The following KNDC1 variants were observed in gnomAD, a reference collection of about 807,000 sequenced individuals.
KNDC1 encodes kinase non-catalytic C-lobe domain-containing protein 1.
In KNDC1, 106 loss-of-function variants were observed where a neutral mutation model predicts 172.8. That is an observed-to-expected ratio of 0.61 (90% CI 0.52 to 0.72). The LOEUF (loss-of-function observed/expected upper bound fraction) is 0.72. Among genes scored for constraint, KNDC1 ranks in the 30% least tolerant of loss-of-function variants. The pLI is 0.00. For missense variants in KNDC1, 2,325 were observed against 2,394.5 expected (o/e 0.97, Z 0.61); for synonymous variants, 1,083 against 1,062.2 (o/e 1.02, Z -0.38).
At position 133,209,995 on chromosome 10, in the gene KNDC1, G is replaced by A. The variant is rs191111833; in HGVS notation, c.3795-616G>A. 1.3e-3 allele frequency among the ~76,000 whole-genome samples: 203 copies of A among 152,186 alleles called. 1 individual carries two copies. Among genetic ancestry groups the A allele is most frequent in the African/African-American group, 4.7e-3 (195 of 41,508 alleles). ...AGAACCTTTGAGCGTGCAGCATTGC[G>A]CCCGGTCCCGAGGCACCAGCTCCCT... On this transcript the variant is annotated intron_variant, in intron 20 of 29. Transcript: ENST00000304613. The surrounding 1 kb of genome is among the most constrained non-coding windows in gnomAD (Gnocchi z 4.9).
At chr10:133,164,556 T>C (rs1853085361) in intron 1 of KNDC1, among the ~76,000 whole-genome samples, 1 of 152,188 alleles carries the variant, frequency 6.6e-6, no homozygotes, top group African/African-American at 2.4e-5. Context: ...GTCACCTCCT[T>C]CCCAAGTGTC....
At chr10:133,181,307 G>A (rs1304375469) in intron 3 of KNDC1, among the ~76,000 whole-genome samples, 1 of 152,260 alleles carries the variant, frequency 6.6e-6, no homozygotes, top group African/African-American at 2.4e-5. Flanking sequence ...GTCCCCCAGG[G>A]AGGCGGACCC....
rs769796814 is a variant in KNDC1 at position 133,211,533 on chromosome 10, G to A, written c.4020G>A (p.Gly1340=). The A allele has an allele frequency of 1.1e-5, 17 of 1,614,006 alleles. No individual in the cohort carries two copies. Among genetic ancestry groups the A allele is most frequent in the Admixed American group, 1.7e-5 (1 of 60,010 alleles). Residue 1340 remains glycine, a synonymous_variant, in exon 22 of 30, where the codon GGG becomes GGA. Coordinates refer to ENST00000304613, the MANE Select transcript of KNDC1 (RefSeq NM_152643.8). ...CTGTGGACTTCCCTCGGAACAGCGG[G>A]CTGCTGGGGAAGCTAGAGGACTTCA... is the stretch of plus-strand genomic sequence containing the variant. ...CYAVDFPRNS[G]LLGKLEDFIS...
chr10:133,189,847 GC>G, intron 9 of KNDC1, 34 bp downstream of exon 9: 1 of 1,561,838 alleles, frequency 6.4e-7, no homozygotes, highest in Non-Finnish European at 8.8e-7. Context: ...CCCCAGCCCT[GC>G]CCCCAGCCCT....
chr10:133,212,276 C>T (rs931126858), intron 23 of KNDC1, among the ~76,000 whole-genome samples: 11 of 151,704 alleles, frequency 7.3e-5, no homozygotes, highest in African/African-American at 2.2e-4. Flanking sequence ...CACCCGCACA[C>T]GCATCCACAC....
intron 3 of KNDC1, among the ~76,000 whole-genome samples, chr10:133,182,504 G>C (rs958215745): frequency 7.9e-5 from 12 of 152,202 alleles, no homozygotes; most frequent in Admixed American, 6.5e-4. Context: ...GCAGGTTCCT[G>C]AGCCGCTCTG....
At chr10:133,193,891 A>G (rs1287893287) in intron 9 of KNDC1, among the ~76,000 whole-genome samples, 1 of 152,244 alleles carries the variant, frequency 6.6e-6, no homozygotes, top group Non-Finnish European at 1.5e-5. Context: ...CTAAACATAT[A>G]TGCACCAAAT....
chr10:133,211,313 A>T lies in KNDC1; in HGVS notation c.3909-109A>T, dbSNP rs541433524. On this transcript the variant is annotated intron_variant, in intron 21 of 29. Transcript: ENST00000304613. ...CCAGCCCCCTAAGCCCCCTGCACAC[A>T]TGGAGCCTGGTCCCACCCTGCCTCT... is the stretch of plus-strand genomic sequence containing the variant. The T allele has an allele frequency of 1.6e-5, 15 of 949,784 alleles. No homozygotes were observed. The East Asian group carries it at 4.1e-4, about 26-fold the overall frequency. 58.8% of individuals were successfully genotyped at this position (949,784 alleles called of 1,614,324 possible).
chr10:133,195,151 T>G (rs1209495642), intron 9 of KNDC1, among the ~76,000 whole-genome samples: 1 of 152,212 alleles, frequency 6.6e-6, no homozygotes, highest in Non-Finnish European at 1.5e-5. Flanking sequence ...AAAACGTGCA[T>G]CAAATGGTGT....
chr10:133,164,460 TGCTGGGCAGACAGGTGCGCAGGAGGCGGC>T (rs1311315195), intron 1 of KNDC1, among the ~76,000 whole-genome samples: 6 of 152,216 alleles, frequency 3.9e-5, no homozygotes, highest in Admixed American at 1.3e-4. Context: ...CCCTCGTGGG[TGCTGGGCAGACAGGTGCGCAGGAGGCGGC>T]GCTGGGCAGA....
intron 3 of KNDC1, among the ~76,000 whole-genome samples, chr10:133,173,312 C>T (rs1185626976): frequency 6.6e-6 from 1 of 152,116 alleles, no homozygotes; most frequent in Non-Finnish European, 1.5e-5. Flanking sequence ...CCTCCTTGTT[C>T]TGAGTTTAGG....
At chr10:133,214,608 C>G (rs771406224) in intron 26 of KNDC1, among the ~76,000 whole-genome samples, 2 of 152,226 alleles carry the variant, frequency 1.3e-5, no homozygotes, top group Admixed American at 6.5e-5. Context: ...GTGCCTGAGC[C>G]TGGCCCCTGG....
chr10:133,191,505 C>A (rs565878835), intron 9 of KNDC1, among the ~76,000 whole-genome samples: 1 of 152,130 alleles, frequency 6.6e-6, no homozygotes, highest in African/African-American at 2.4e-5. Context: ...TTTGAGACCA[C>A]CCTCGCCAAC....
intron 9 of KNDC1, among the ~76,000 whole-genome samples, chr10:133,195,191 C>T (rs114177573): frequency 4.3e-4 from 66 of 152,342 alleles, no homozygotes; most frequent in African/African-American, 1.4e-3. Flanking sequence ...AGCAACGTGC[C>T]GGATGAACTC....
chr10:133,169,632 T>A (rs567075175), intron 3 of KNDC1, among the ~76,000 whole-genome samples: 27 of 152,220 alleles, frequency 1.8e-4, no homozygotes, highest in Non-Finnish European at 3.5e-4. Context: ...CCCAACTCCC[T>A]GCAGCAGTGG....
chr10:133,198,536 C>A, intron 13 of KNDC1, 37 bp downstream of exon 13: 1 of 1,582,078 alleles, frequency 6.3e-7, no homozygotes. Flanking sequence ...CTGCTGGGTC[C>A]CGGGCGCAGG....
In KNDC1 at chr10:133,219,100, C is replaced by G. The variant is rs777317729; in HGVS notation, c.4860+10C>G. On this transcript the variant is annotated intron_variant, in intron 28 of 29. Coordinates refer to ENST00000304613, the MANE Select transcript of KNDC1 (RefSeq NM_152643.8). ...GCTGAAAGCCGTGGAGGTACCAGCACTTTACGTGGCCGGGCGGCTTTGGTC... is the reference window on the plus strand; with the variant it reads ...GCTGAAAGCCGTGGAGGTACCAGCAGTTTACGTGGCCGGGCGGCTTTGGTC... 2 of 1,612,750 alleles carry G rather than the reference C, an allele frequency of 1.2e-6. No individual in the cohort carries two copies. The highest frequency in any genetic ancestry group is 1.7e-6 in the Non-Finnish European group (2 of 1,179,520).
In KNDC1 at chr10:133,206,638, C is replaced by T. The variant is rs775216725; in HGVS notation, c.3388-47C>T. On this transcript the variant is annotated intron_variant, in intron 17 of 29. Coordinates refer to ENST00000304613, the MANE Select transcript of KNDC1 (RefSeq NM_152643.8). Reference sequence around the variant, plus strand: ...GGGGCCTGGCCCTGGATGTGGCTGACGTGTGTTGGGGCTGCCTGGGGCTTA... The same window carrying T: ...GGGGCCTGGCCCTGGATGTGGCTGATGTGTGTTGGGGCTGCCTGGGGCTTA... 3.0e-5 allele frequency: 46 copies of T among 1,514,754 alleles called. No homozygotes were observed. The Middle Eastern group carries it at 2.0e-3, about 66-fold the overall frequency. The allele number at this position is 1,514,754 out of a possible 1,614,324, so 93.8% of individuals were successfully genotyped here.
chr10:133,185,366 A>G (rs144011923), intron 5 of KNDC1, among the ~76,000 whole-genome samples: 2,336 of 55,918 alleles, frequency 0.042, 25 homozygotes, highest in Middle Eastern at 0.057. Context: ...GGCAGTGTGT[A>G]CAGTGTGGAG....
Sources: gnomAD v4.1 joint callset for allele counts (sites outside exome capture counted in the v4.1 genomes callset) on GRCh38, gnomAD v4.1.1 for gene constraint, Gnocchi (gnomAD v3.1) non-coding constraint, MANE v1.5 for transcripts, NCBI Gene and HGNC (gene_info 2026-07-23, HGNC 2026-07-21) for gene names.